The following GLI3 variants were observed in gnomAD, a reference collection of about 807,000 sequenced individuals.
The protein encoded by GLI3 is transcription activator GLI3.
A neutral mutation model predicts 100.8 loss-of-function variants in GLI3; 20 were observed. That is an observed-to-expected ratio of 0.20 (90% CI 0.14 to 0.29). The LOEUF (loss-of-function observed/expected upper bound fraction) is 0.29, where lower values mean the gene tolerates loss of function less well. Among genes scored for constraint, GLI3 ranks in the 10% least tolerant of loss-of-function variants. GLI3 has a pLI of 1.00. For synonymous variants in GLI3, 938 were observed against 860.5 expected, an observed-to-expected ratio of 1.09 and a Z score of -1.58; for missense variants, 2,040 against 2,128.5, an observed-to-expected ratio of 0.96 and a Z score of 0.82.
intron 1 of GLI3, among the ~76,000 whole-genome samples, chr7:42,251,193 C>T (rs932492407): frequency 6.6e-6 from 1 of 152,212 alleles, no homozygotes; most frequent in African/African-American, 2.4e-5. Context: ...CCAACCTTTT[C>T]TGCACCAGGG....
chr7:41,978,486 C>G, intron 11 of GLI3, 113 bp downstream of exon 11: 1 of 999,970 alleles, frequency 1.0e-6, no homozygotes, highest in Non-Finnish European at 1.6e-6. Flanking sequence ...TACTCTAGTC[C>G]TCTTCTCTTG....
chr7:42,111,253 G>A (rs1785699128), intron 3 of GLI3, among the ~76,000 whole-genome samples: 1 of 152,206 alleles, frequency 6.6e-6, no homozygotes, highest in Non-Finnish European at 1.5e-5. Flanking sequence ...TGCATGCAGA[G>A]TGCTGGGATC....
rs199638498 is a variant in GLI3 at position 41,965,425 on chromosome 7, G to A, written c.3648C>T (p.Leu1216=). The change falls in exon 15 of 15, where the codon CTC becomes CTT. Residue 1216 remains leucine, a synonymous_variant. Coordinates refer to ENST00000395925, the MANE Select transcript of GLI3 (RefSeq NM_000168.6). ...RSGPAGGYQT[L]GENSNPYGGP... is the part of the protein sequence containing the mutation. ...CACCGTAGGGGTTGCTGTTCTCCCCGAGGGTCTGATAGCCCCCAGCAGGCC... is the reference window on the plus strand; with the variant it reads ...CACCGTAGGGGTTGCTGTTCTCCCCAAGGGTCTGATAGCCCCCAGCAGGCC... 6 of 1,607,918 alleles carry A rather than the reference G, an allele frequency of 3.7e-6. No homozygotes were observed. Among genetic ancestry groups the A allele is most frequent in the Non-Finnish European group, 4.2e-6 (5 of 1,176,970 alleles).
At chr7:42,198,885 C>A (rs1787982452) in intron 2 of GLI3, among the ~76,000 whole-genome samples, 1 of 148,026 alleles carries the variant, frequency 6.8e-6, no homozygotes, top group Non-Finnish European at 1.5e-5. Context: ...TTAATGGTGT[C>A]AAAAACACAT....
At chr7:42,215,297 A>C (rs1788353277) in intron 2 of GLI3, among the ~76,000 whole-genome samples, 3 of 152,194 alleles carry the variant, frequency 2.0e-5, no homozygotes, top group Admixed American at 2.0e-4. Context: ...AATTTTACCA[A>C]ATAATAAACT....
intron 2 of GLI3, among the ~76,000 whole-genome samples, chr7:42,202,367 CA>C: frequency 6.6e-6 from 1 of 151,448 alleles, no homozygotes; most frequent in Admixed American, 6.6e-5. Context: ...CACACACACA[CA>C]CACACACACA....
At chr7:42,224,754 T>C (rs1788552107) in intron 1 of GLI3, among the ~76,000 whole-genome samples, 1 of 152,228 alleles carries the variant, frequency 6.6e-6, no homozygotes. Flanking sequence ...GCAGCCACCG[T>C]GCGTGAGTCC....
chr7:41,964,629 G>A lies in GLI3; in HGVS notation c.4444C>T (p.Pro1482Ser). 1.2e-6 allele frequency: 2 copies of A among 1,614,074 alleles called. No individual in the cohort carries two copies. The highest frequency in any genetic ancestry group is 8.5e-7 in the Non-Finnish European group (1 of 1,179,922). Reference sequence around the variant, plus strand: ...GTGCTTGTCACCTGATTAGCACCTGGGGAAAGTAACTCAGAGTTTTTGGCG... The same window carrying A: ...GTGCTTGTCACCTGATTAGCACCTGAGGAAAGTAACTCAGAGTTTTTGGCG... ...TSAKNSELLS[P>S]GANQVTSTVD... Residue 1482 changes from proline to serine, a missense_variant, in exon 15 of 15, where the codon CCA becomes TCA. Transcript: ENST00000395925.
Position 41,967,843 on chromosome 7 carries a change from G to A in GLI3, c.2184C>T (p.Leu728=), listed in dbSNP as rs149724824. The A allele has an allele frequency of 6.7e-5, 108 of 1,613,992 alleles. No individual in the cohort carries two copies. The highest frequency in any genetic ancestry group is 8.3e-5 in the Non-Finnish European group (98 of 1,179,994). The change falls in exon 14 of 15, where the codon CTC becomes CTT. Residue 728 remains leucine (L), a synonymous_variant. Coordinates refer to ENST00000395925, the MANE Select transcript of GLI3 (RefSeq NM_000168.6). ...TACCTCCATCGGTCAGAGGAAGCTC[G>A]AGCCCACTGTTGGAATAGTTGCTGA... The part of the protein sequence containing the change: ...SPISNYSNSG[L]ELPLTDGGSI...
At chr7:42,253,115 TAGC>T (rs1488190935) in intron 1 of GLI3, among the ~76,000 whole-genome samples, 2 of 152,196 alleles carry the variant, frequency 1.3e-5, no homozygotes, top group Non-Finnish European at 2.9e-5. Context: ...GCCTTGTAGC[TAGC>T]TGAGCCACGA....
intron 2 of GLI3, among the ~76,000 whole-genome samples, chr7:42,191,336 G>A (rs923838219): frequency 3.9e-5 from 6 of 152,112 alleles, no homozygotes; most frequent in East Asian, 1.9e-4. Flanking sequence ...ATAGCCGGCC[G>A]TGGTGGCTCT....
intron 13 of GLI3, among the ~76,000 whole-genome samples, 198 bp from the exon 14 acceptor site, chr7:41,968,121 G>A (rs1390460973): frequency 6.6e-6 from 1 of 152,190 alleles, no homozygotes; most frequent in African/African-American, 2.4e-5. Flanking sequence ...TGGGCAACAG[G>A]AGGCAATGGA....
chr7:42,120,457 T>A (rs750903760), intron 3 of GLI3, among the ~76,000 whole-genome samples: 11 of 152,166 alleles, frequency 7.2e-5, no homozygotes, highest in Non-Finnish European at 1.2e-4. Context: ...CTGGGAAGGT[T>A]TAGGCAGAGA....
At chr7:42,082,846 A>C (rs1785025799) in intron 3 of GLI3, among the ~76,000 whole-genome samples, 2 of 152,190 alleles carry the variant, frequency 1.3e-5, no homozygotes, top group Non-Finnish European at 2.9e-5. Flanking sequence ...CTATAGGAGG[A>C]AACTGCAAAC....
chr7:42,039,072 T>C (rs1440471660), intron 7 of GLI3, among the ~76,000 whole-genome samples: 3 of 152,204 alleles, frequency 2.0e-5, no homozygotes, highest in Non-Finnish European at 4.4e-5. Flanking sequence ...AGTAACTGAA[T>C]TCTTAAATTA....
intron 2 of GLI3, among the ~76,000 whole-genome samples, chr7:42,192,887 C>T (rs1238077031): frequency 3.3e-5 from 5 of 152,180 alleles, no homozygotes; most frequent in African/African-American, 9.7e-5. Context: ...CCTCTAATTA[C>T]GTGCAAACAG....
chr7:42,236,554 C>G (rs571834638), intron 1 of GLI3, among the ~76,000 whole-genome samples: 2 of 152,162 alleles, frequency 1.3e-5, no homozygotes, highest in African/African-American at 2.4e-5. Context: ...CCGCCCATCC[C>G]GAGCGCCGTG....
intron 3 of GLI3, among the ~76,000 whole-genome samples, chr7:42,126,049 A>T (rs860150): frequency 0.24 from 36,702 of 151,982 alleles, 4,650 homozygotes; most frequent in Admixed American, 0.35. Context: ...GAATTTTTTT[A>T]AAAAAATGAG....
intron 1 of GLI3, among the ~76,000 whole-genome samples, chr7:42,235,202 C>T (rs1363020088): frequency 1.3e-5 from 2 of 152,154 alleles, no homozygotes; most frequent in African/African-American, 2.4e-5. Context: ...AATTTTTAAT[C>T]TAAAACCTAA....
Sources: gnomAD v4.1 joint callset for allele counts (sites outside exome capture counted in the v4.1 genomes callset) on GRCh38, gnomAD v4.1.1 for gene constraint, MANE v1.5 for transcripts, NCBI Gene and HGNC (gene_info 2026-07-23, HGNC 2026-07-21) for gene names.